AGMO: variants seen among roughly 807,000 people sequenced by gnomAD.
AGMO encodes the protein glyceryl-ether monooxygenase.
A neutral mutation model predicts 60.2 loss-of-function variants in AGMO; 75 were observed. That is an observed-to-expected ratio of 1.25 (90% CI 1.03 to 1.51). AGMO has a LOEUF of 1.51. Ranked by LOEUF, AGMO falls within the 40% of genes most tolerant of loss-of-function variation. The probability of loss-of-function intolerance (pLI) is 0.00; values close to 1 mark genes in which losing one functional copy is unlikely to be tolerated. For synonymous variants in AGMO, 261 were observed against 177.1 expected (o/e 1.47, Z -3.76); for missense variants, 763 against 525.5 (o/e 1.45, Z -4.42).
At chr7:15,187,499 CACGTT>C in the AGMO span, among the ~76,000 whole-genome samples, 1 of 152,170 alleles carries the variant, frequency 6.6e-6, no homozygotes, top group Non-Finnish European at 1.5e-5. Flanking sequence ...ATCCTTTCAT[CACGTT>C]AGTCATAAAA....
chr7:15,468,814 G>A (rs762933635), intron 3 of AGMO, among the ~76,000 whole-genome samples: 3 of 151,968 alleles, frequency 2.0e-5, no homozygotes, highest in Admixed American at 6.6e-5. Context: ...GAGGTAATCC[G>A]GGCAGAGATG....
chr7:15,453,799 G>A (rs1224934156), intron 3 of AGMO, among the ~76,000 whole-genome samples: 1 of 152,014 alleles, frequency 6.6e-6, no homozygotes, highest in Non-Finnish European at 1.5e-5. Flanking sequence ...GGACACAGAC[G>A]TGGCTTCTCA....
chr7:15,318,673 G>A (rs1289280973), intron 12 of AGMO, among the ~76,000 whole-genome samples: 1 of 152,110 alleles, frequency 6.6e-6, no homozygotes, highest in African/African-American at 2.4e-5. Flanking sequence ...ATCCATTTAT[G>A]AGGAAATTTA....
In AGMO at chr7:15,235,355, G is replaced by A. The variant is rs1782385624; in HGVS notation, c.1264-33996C>T. Reference sequence around the variant, plus strand: ...GCAAAATTTTGAGAGAATGGCGAATGTGTAGTAAGTGTCCACTGAATGACT... The same window carrying A: ...GCAAAATTTTGAGAGAATGGCGAATATGTAGTAAGTGTCCACTGAATGACT... On this transcript the variant is annotated intron_variant, in intron 12 of 12. Transcript: ENST00000342526. Among the ~76,000 whole-genome samples the A allele has an allele frequency of 2.0e-5, 3 of 152,102 alleles. No individual in the cohort carries two copies. In the South Asian group the frequency reaches 6.2e-4, roughly 32 times the overall value.
At chr7:15,496,330 T>G (rs550480200) in intron 3 of AGMO, among the ~76,000 whole-genome samples, 175 of 152,168 alleles carry the variant, frequency 1.2e-3, no homozygotes, top group African/African-American at 4.0e-3. Context: ...TTATAAAGAG[T>G]GCTGAGAGTA....
the AGMO span, among the ~76,000 whole-genome samples, chr7:15,190,534 C>G: frequency 6.6e-6 from 1 of 151,982 alleles, no homozygotes; most frequent in African/African-American, 2.4e-5. Flanking sequence ...TTAGAAAGGG[C>G]AGGATGTCTG....
intron 5 of AGMO, among the ~76,000 whole-genome samples, chr7:15,405,624 T>C (rs146959062): frequency 1.3e-5 from 2 of 152,094 alleles, no homozygotes; most frequent in East Asian, 3.9e-4. Context: ...AAATAAGTAC[T>C]ATTCATTGAA....
intron 3 of AGMO, among the ~76,000 whole-genome samples, chr7:15,520,220 G>A (rs1451772550): frequency 1.3e-5 from 2 of 152,080 alleles, no homozygotes; most frequent in Non-Finnish European, 2.9e-5. Context: ...GACCTACGAA[G>A]AGACTTAGAC....
chr7:15,455,650 T>C (rs150211905), intron 3 of AGMO, among the ~76,000 whole-genome samples: 1 of 152,146 alleles, frequency 6.6e-6, no homozygotes, highest in South Asian at 2.1e-4. Flanking sequence ...TCTATTCACA[T>C]GCTTGATTGA....
At chr7:15,366,028 A>C (rs192207054) in intron 11 of AGMO, 112 bp downstream of exon 11, 3 of 741,100 alleles carry the variant, frequency 4.0e-6, no homozygotes, top group East Asian at 2.9e-5. Context: ...CCAAAATTTT[A>C]TATTTATTTT....
intron 3 of AGMO, among the ~76,000 whole-genome samples, chr7:15,482,174 A>G (rs1038317545): frequency 2.0e-5 from 3 of 152,070 alleles, no homozygotes; most frequent in African/African-American, 7.2e-5. Flanking sequence ...AAGAAAATAA[A>G]TAAAAAGAAA....
At chr7:15,530,478 G>A (rs1266441453) in intron 3 of AGMO, among the ~76,000 whole-genome samples, 36 of 84,488 alleles carry the variant, frequency 4.3e-4, no homozygotes, top group Admixed American at 1.5e-3. Context: ...TTCTATATAC[G>A]TATTTCTATA....
chr7:15,277,304 C>CA (rs1328315339), intron 12 of AGMO, among the ~76,000 whole-genome samples: 6 of 142,446 alleles, frequency 4.2e-5, no homozygotes, highest in African/African-American at 1.6e-4. Flanking sequence ...GACTCTGTCT[C>CA]AAAAAATAAT....
At chr7:15,131,153 G>C in the AGMO span, among the ~76,000 whole-genome samples, 1 of 152,034 alleles carries the variant, frequency 6.6e-6, no homozygotes, top group Admixed American at 6.6e-5. Context: ...CCTCATAGGA[G>C]TCTCGGTTTA....
At chr7:15,360,114 T>G (rs1286898025) in intron 12 of AGMO, among the ~76,000 whole-genome samples, 1 of 152,206 alleles carries the variant, frequency 6.6e-6, no homozygotes, top group Admixed American at 6.5e-5. Flanking sequence ...GTATGTATAA[T>G]CTTATTTAAT....
chr7:15,385,752 G>C (rs1182363705), intron 9 of AGMO, among the ~76,000 whole-genome samples, 190 bp from the exon 10 acceptor site: 2 of 152,086 alleles, frequency 1.3e-5, no homozygotes, highest in Non-Finnish European at 2.9e-5. Flanking sequence ...TTATGACGTA[G>C]TCTGCCTTAA....
the AGMO span, among the ~76,000 whole-genome samples, chr7:15,126,290 G>A: frequency 6.6e-6 from 1 of 152,164 alleles, no homozygotes; most frequent in African/African-American, 2.4e-5. Flanking sequence ...TAAATGAGGT[G>A]TTTGTATAAT....
the AGMO span, among the ~76,000 whole-genome samples, chr7:15,170,172 G>GTC: frequency 6.6e-6 from 1 of 152,218 alleles, no homozygotes; most frequent in Admixed American, 6.5e-5. Context: ...AGACAAAGCT[G>GTC]TCATGCTGAT....
intron 12 of AGMO, among the ~76,000 whole-genome samples, chr7:15,225,681 T>C (rs796286617): frequency 4.6e-5 from 7 of 152,066 alleles, no homozygotes; most frequent in African/African-American, 7.2e-5. Context: ...ATTATGATTG[T>C]TACTCATGGC....
Sources: gnomAD v4.1 joint callset for allele counts (sites outside exome capture counted in the v4.1 genomes callset) on GRCh38, gnomAD v4.1.1 for gene constraint, MANE v1.5 for transcripts, NCBI Gene and HGNC (gene_info 2026-07-23, HGNC 2026-07-21) for gene names.